L3MBTL2: variants seen among roughly 807,000 people sequenced by gnomAD.
The protein encoded by L3MBTL2 is lethal(3)malignant brain tumor-like protein 2.
Under a neutral mutation model 86.4 loss-of-function variants are expected in L3MBTL2, and 49 were observed. That is an observed-to-expected ratio of 0.57 (90% CI 0.45 to 0.72). The LOEUF is 0.72. L3MBTL2 is among the 30% of genes least tolerant of loss of function. The pLI is 0.00. For synonymous variants in L3MBTL2, 336 were observed against 350.6 expected (o/e 0.96, Z 0.47); for missense variants, 755 against 923.7 (o/e 0.82, Z 2.37).
Position 41,230,601 on chromosome 22 carries a change from G to A in L3MBTL2, c.*350G>A, listed in dbSNP as rs1274994549. The A allele has an allele frequency of 6.2e-6, 2 of 324,348 alleles. No homozygotes were observed. The highest frequency in any genetic ancestry group is 1.6e-4 in the East Asian group (2 of 12,404). The allele number at this position is 324,348 out of a possible 1,614,324, so 20.1% of individuals were successfully genotyped here. On this transcript the variant is annotated 3_prime_UTR_variant, in exon 17 of 17. Coordinates refer to ENST00000216237, the MANE Select transcript of L3MBTL2 (RefSeq NM_031488.5). ...CCACGGCCCTCAGTTGCCAGGGATG[G>A]GGCCACCACTGTCACACTGTGGAAT...
At chr22:41,209,341 A>C (rs2030522327) in intron 1 of L3MBTL2, 1 of 202,374 alleles carries the variant, frequency 4.9e-6, no homozygotes, top group Non-Finnish European at 1.0e-5. Flanking sequence ...TCCTGACCTC[A>C]GGTGATCTGC....
In L3MBTL2 at chr22:41,225,787, C is replaced by A. The variant is rs1279908399; in HGVS notation, c.1357-7C>A. The A allele has an allele frequency of 7.5e-6, 12 of 1,605,216 alleles. No homozygotes were observed. The highest frequency in any genetic ancestry group is 1.0e-5 in the Non-Finnish European group (12 of 1,173,416). On this transcript the variant is annotated splice_polypyrimidine_tract_variant and splice_region_variant and intron_variant, in intron 11 of 16. Transcript: ENST00000216237. The surrounding 1 kb of genome is among the most constrained non-coding windows in gnomAD (Gnocchi z 4.1). ...TGATCTGTCTGCCTGCTCCCCCCAC[C>A]CCCCAGGTTCTCCTGGATGGATACC...
At position 41,230,336 on chromosome 22, in the gene L3MBTL2, G is replaced by T. The variant is rs2032516453; in HGVS notation, c.*85G>T. ...ACCACCATGCCTCCACCTGACTTTG[G>T]CTTGGAGACTGATCCTCTCTGTGTA... On this transcript the variant is annotated 3_prime_UTR_variant, in exon 17 of 17. Transcript: ENST00000216237. The T allele has an allele frequency of 3.0e-6, 3 of 985,076 alleles. No individual in the cohort carries two copies. The highest frequency in any genetic ancestry group is 2.1e-4 in the Middle Eastern group (1 of 4,834). 61.0% of individuals were successfully genotyped at this position (985,076 alleles called of 1,614,324 possible). A position where few individuals can be genotyped will look rare whatever the true frequency, so the allele number is the denominator to read the frequency against.
Position 41,205,335 on chromosome 22 carries a change from T to A in L3MBTL2, c.-28T>A. 1 of 1,614,072 alleles carries A rather than the reference T, an allele frequency of 6.2e-7. No individual in the cohort carries two copies. The highest frequency in any genetic ancestry group is 8.5e-7 in the Non-Finnish European group (1 of 1,179,978). On this transcript the variant is annotated 5_prime_UTR_variant, in exon 1 of 17. Coordinates refer to ENST00000216237, the MANE Select transcript of L3MBTL2 (RefSeq NM_031488.5). ...GCAGGCCAATATGGCTTCCTGCACC[T>A]GGTGACGCTTGGCGAAACTGAGGTC...
At chr22:41,219,351 T>G in intron 5 of L3MBTL2, 68 bp from the exon 6 acceptor site, 4 of 1,183,042 alleles carry the variant, frequency 3.4e-6, no homozygotes, top group Non-Finnish European at 5.1e-6. Flanking sequence ...ACTGAGGCCG[T>G]GAGGCAGTCT....
chr22:41,219,782 C>A (rs2031679756), intron 6 of L3MBTL2, among the ~76,000 whole-genome samples: 1 of 152,196 alleles, frequency 6.6e-6, no homozygotes, highest in Non-Finnish European at 1.5e-5. Flanking sequence ...TGCTCTGTCA[C>A]CCAGGCTGGA....
chr22:41,217,663 A>G, intron 5 of L3MBTL2: 1 of 165,338 alleles, frequency 6.0e-6, no homozygotes, highest in Non-Finnish European at 1.3e-5. Context: ...CAAGGCCCTT[A>G]GGGGCGGGGC....
rs1038130366 is a variant in L3MBTL2 at position 41,224,376 on chromosome 22, A to G, written c.1174+125A>G. The stretch of plus-strand genomic sequence containing the variant: ...TTGGCATGGCCCCCCTGCAGTGATG[A>G]TACTGAGCTCCAGAGAGCTTGAGTA... On this transcript the variant is annotated intron_variant, in intron 9 of 16. Coordinates refer to ENST00000216237, the MANE Select transcript of L3MBTL2 (RefSeq NM_031488.5). This position sits in a 1 kb window ranked among gnomAD's most constrained non-coding sequence, Gnocchi z 4.9. 1.9e-5 allele frequency: 13 copies of G among 675,054 alleles called. No individual in the cohort carries two copies. Among genetic ancestry groups the G allele is most frequent in the Non-Finnish European group, 2.8e-5 (11 of 397,896 alleles). 41.8% of individuals were successfully genotyped at this position (675,054 alleles called of 1,614,324 possible).
Position 41,227,560 on chromosome 22 carries a change from C to T in L3MBTL2, c.1822+237C>T. ...TTGCCCACTCTGTCATATGTTCGTGCCCTTGTGCACCCAGGTAAACTACCC... is the reference window on the plus strand; with the variant it reads ...TTGCCCACTCTGTCATATGTTCGTGTCCTTGTGCACCCAGGTAAACTACCC... On this transcript the variant is annotated intron_variant, in intron 14 of 16. Transcript: ENST00000216237. This position sits in a 1 kb window ranked among gnomAD's most constrained non-coding sequence, Gnocchi z 6.0. 3 of 1,542,536 alleles carry T rather than the reference C, an allele frequency of 1.9e-6. No homozygotes were observed. Among genetic ancestry groups the T allele is most frequent in the South Asian group, 1.2e-5 (1 of 83,124 alleles).
At chr22:41,208,293 C>T (rs1322339900) in intron 1 of L3MBTL2, 1 of 444,258 alleles carries the variant, frequency 2.3e-6, no homozygotes, top group Admixed American at 2.4e-5. Flanking sequence ...CCACACCTGG[C>T]TAATTTTTTT....
Position 41,225,956 on chromosome 22 carries a change from G to A in L3MBTL2, c.1504+15G>A. On this transcript the variant is annotated intron_variant, in intron 12 of 16. Transcript: ENST00000216237. The surrounding 1 kb of genome is among the most constrained non-coding windows in gnomAD (Gnocchi z 4.1). ...ACCGCCAAAAGGTAAGACTAGAGAG[G>A]CCACCACCTGCTGTCCTTGCCATCA... 6.2e-7 allele frequency: 1 copy of A among 1,612,564 alleles called. No individual in the cohort carries two copies.
At chr22:41,216,946 A>C in intron 4 of L3MBTL2, 177 bp from the exon 5 acceptor site, 1 of 581,362 alleles carries the variant, frequency 1.7e-6, no homozygotes, top group South Asian at 2.1e-5. Context: ...GTGGTCCCTC[A>C]TGGCCACTGG....
chr22:41,220,621 G>A (rs1163477715), intron 6 of L3MBTL2, 113 bp from the exon 7 acceptor site: 4 of 1,174,446 alleles, frequency 3.4e-6, no homozygotes, highest in Non-Finnish European at 4.7e-6. Flanking sequence ...TGGCGCCACT[G>A]CACTCCAGCC....
chr22:41,225,487 G>A lies in L3MBTL2; in HGVS notation c.1357-307G>A, dbSNP rs1211040444. ...CTTGGCCCTCCTGGAGGAGGCTGCT[G>A]ACTCGTCCTCGCCGCGGATCCGCTC... On this transcript the variant is annotated intron_variant, in intron 11 of 16. Coordinates refer to ENST00000216237, the MANE Select transcript of L3MBTL2 (RefSeq NM_031488.5). This position sits in a 1 kb window ranked among gnomAD's most constrained non-coding sequence, Gnocchi z 4.1. Among the ~76,000 whole-genome samples, 1 of 152,172 alleles carries A rather than the reference G, an allele frequency of 6.6e-6. No homozygotes were observed. The highest frequency in any genetic ancestry group is 2.4e-5 in the African/African-American group (1 of 41,430).
Position 41,227,001 on chromosome 22 carries a change from C to T in L3MBTL2, c.1588-88C>T. The T allele has an allele frequency of 8.5e-7, 1 of 1,183,078 alleles. No individual in the cohort carries two copies. The highest frequency in any genetic ancestry group is 1.2e-6 in the Non-Finnish European group (1 of 832,552). 73.3% of individuals were successfully genotyped at this position (1,183,078 alleles called of 1,614,324 possible). A position where few individuals can be genotyped will look rare whatever the true frequency, so the allele number is the denominator to read the frequency against. On this transcript the variant is annotated intron_variant, in intron 13 of 16. Transcript: ENST00000216237. The surrounding 1 kb of genome is among the most constrained non-coding windows in gnomAD (Gnocchi z 6.0). ...CCATTCCAGTCCCCGCCCCTCCCTG[C>T]CAGTTCTTCAAGTGCCTCCGGGCCG...
At chr22:41,218,596 A>G (rs2145591063) in intron 5 of L3MBTL2, 1 of 152,344 alleles carries the variant, frequency 6.6e-6, no homozygotes, top group African/African-American at 2.4e-5. Flanking sequence ...GAAACAGTCC[A>G]GTGCTGTCCT....
In L3MBTL2 at chr22:41,225,549, C is replaced by T. The variant is rs1232407473; in HGVS notation, c.1357-245C>T. ...CGTGTGCTCACCCAAGAACACGGTC[C>T]AACAGGATGGACGCGGCCCCTGCTG... On this transcript the variant is annotated intron_variant, in intron 11 of 16. Transcript: ENST00000216237. This position sits in a 1 kb window ranked among gnomAD's most constrained non-coding sequence, Gnocchi z 4.1. Among the ~76,000 whole-genome samples the T allele has an allele frequency of 6.6e-6, 1 of 152,214 alleles. No homozygotes were observed. Among genetic ancestry groups the T allele is most frequent in the Non-Finnish European group, 1.5e-5 (1 of 68,026 alleles).
intron 4 of L3MBTL2, among the ~76,000 whole-genome samples, chr22:41,216,557 G>A (rs2031377884): frequency 6.6e-6 from 1 of 152,066 alleles, no homozygotes; most frequent in Non-Finnish European, 1.5e-5. Context: ...TGTTTCCCTG[G>A]GGCAACGAAG....
intron 8 of L3MBTL2, among the ~76,000 whole-genome samples, chr22:41,221,708 G>T (rs894965874): frequency 6.6e-6 from 1 of 152,004 alleles, no homozygotes; most frequent in African/African-American, 2.4e-5. Flanking sequence ...CTGGGTTCAC[G>T]CCATTCTCCT....
Sources: allele counts gnomAD v4.1 joint callset (sites outside exome capture counted in the v4.1 genomes callset), GRCh38; gene constraint gnomAD v4.1.1; non-coding constraint Gnocchi (gnomAD v3.1); transcripts MANE v1.5; gene names NCBI Gene and HGNC (gene_info 2026-07-23, HGNC 2026-07-21).